ITGA11: variants seen among roughly 807,000 people sequenced by gnomAD.
ITGA11 encodes the protein integrin subunit alpha 11, also known as integrin alpha-11.
In ITGA11, 97 loss-of-function variants were observed where a neutral mutation model predicts 141.9. The observed-to-expected ratio is 0.68, with a 90% CI of 0.58 to 0.81. The LOEUF (loss-of-function observed/expected upper bound fraction) is 0.81. Among genes scored for constraint, ITGA11 ranks in the 30% least tolerant of loss-of-function variants. The probability of loss-of-function intolerance (pLI) is 0.00; values close to 1 mark genes in which losing one functional copy is unlikely to be tolerated. For synonymous variants in ITGA11, 658 were observed against 624.6 expected (o/e 1.05, Z -0.80); for missense variants, 1,387 against 1,559.2 (o/e 0.89, Z 1.86).
chr15:68,346,386 T>G (rs1254113520), intron 10 of ITGA11, among the ~76,000 whole-genome samples: 1 of 152,198 alleles, frequency 6.6e-6, no homozygotes, highest in Non-Finnish European at 1.5e-5. Context: ...GAAGCCCATT[T>G]TAATGTCCTC....
rs1459436134 is a variant in ITGA11, at chr15:68,308,406, C to T, written c.3175-710G>A. 6.6e-6 allele frequency among the ~76,000 whole-genome samples: 1 copy of T among 152,136 alleles called. No individual in the cohort carries two copies. Among genetic ancestry groups the T allele is most frequent in the African/African-American group, 2.4e-5 (1 of 41,410 alleles). On this transcript the variant is annotated intron_variant, in intron 26 of 29. Coordinates refer to ENST00000315757, the MANE Select transcript of ITGA11 (RefSeq NM_001004439.2). This position sits in a 1 kb window ranked among gnomAD's most constrained non-coding sequence, Gnocchi z 5.2. ...TATAAAAAGTTGATGGGGATGATAT[C>T]ACAAAGAAATCAGCAGTTTGCAAAT...
chr15:68,380,702 C>T (rs1252410079), intron 2 of ITGA11, among the ~76,000 whole-genome samples: 3 of 152,156 alleles, frequency 2.0e-5, no homozygotes, highest in Non-Finnish European at 2.9e-5. Context: ...ATGGTGCCGG[C>T]GCTCATGTGC....
Position 68,325,216 on chromosome 15 carries a change from A to C in ITGA11, c.2237T>G (p.Val746Gly), listed in dbSNP as rs1291115470. 1 of 1,613,886 alleles carries C rather than the reference A, an allele frequency of 6.2e-7. No homozygotes were observed. The highest frequency in any genetic ancestry group is 1.3e-5 in the African/African-American group (1 of 75,062). ...VLDTADYVKP[V>G]TFSVEYSLED... ...CAGGGAATACTCGACTGAGAAGGTC[A>C]CTGGCTTCACGTAGTCAGCAGTGTC... Residue 746 changes from valine (V) to glycine (G), a missense_variant, in exon 18 of 30, where the codon GTG (valine) becomes GGG (glycine). By Grantham distance (109) the Val-to-Gly change is moderately radical. Coordinates refer to ENST00000315757, the MANE Select transcript of ITGA11 (RefSeq NM_001004439.2). This position sits in a 1 kb window ranked among gnomAD's most constrained non-coding sequence, Gnocchi z 5.5.
intron 10 of ITGA11, among the ~76,000 whole-genome samples, chr15:68,339,970 G>A (rs1255411360): frequency 6.6e-6 from 1 of 152,082 alleles, no homozygotes; most frequent in East Asian, 1.9e-4. Flanking sequence ...ACCCTTTAGG[G>A]ACCGTCTCGC....
At chr15:68,358,664 G>A (rs1595876446) in intron 5 of ITGA11, 79 bp from the exon 6 acceptor site, 6 of 1,452,374 alleles carry the variant, frequency 4.1e-6, no homozygotes, top group Admixed American at 2.2e-5. Context: ...ATTGTTCAAA[G>A]GACAAATGAA....
chr15:68,404,833 G>A (rs964711869), intron 1 of ITGA11, among the ~76,000 whole-genome samples: 2 of 152,180 alleles, frequency 1.3e-5, no homozygotes, highest in African/African-American at 4.8e-5. Flanking sequence ...AAATGAATTG[G>A]CAGAATAGAC....
intron 2 of ITGA11, among the ~76,000 whole-genome samples, chr15:68,376,382 T>C (rs1003966338): frequency 2.0e-5 from 3 of 152,238 alleles, no homozygotes; most frequent in South Asian, 2.1e-4. Flanking sequence ...ATTCCTCAAG[T>C]ACTTTGTAGT....
chr15:68,317,466 C>T, intron 20 of ITGA11, 103 bp from the exon 21 acceptor site: 3 of 805,620 alleles, frequency 3.7e-6, no homozygotes, highest in Non-Finnish European at 6.6e-6. Context: ...GCAGGGGCCG[C>T]CTCAGCCCCT....
chr15:68,388,692 T>C (rs1023586347), intron 2 of ITGA11, among the ~76,000 whole-genome samples: 1 of 152,164 alleles, frequency 6.6e-6, no homozygotes, highest in Non-Finnish European at 1.5e-5. Flanking sequence ...CCCCACCCCT[T>C]AGCTTGAGCA....
chr15:68,431,201 G>A (rs1404873965), intron 1 of ITGA11, among the ~76,000 whole-genome samples: 1 of 152,358 alleles, frequency 6.6e-6, no homozygotes, highest in East Asian at 1.9e-4. Context: ...CTGGCTTCCC[G>A]CTCCCAGCCG....
chr15:68,420,367 C>A (rs1039744058), intron 1 of ITGA11, among the ~76,000 whole-genome samples: 1 of 152,162 alleles, frequency 6.6e-6, no homozygotes, highest in Non-Finnish European at 1.5e-5. Context: ...TAGCATGGGG[C>A]CAGCTGGGCT....
At chr15:68,316,304 G>T (rs372788125) in intron 21 of ITGA11, among the ~76,000 whole-genome samples, 1 of 152,228 alleles carries the variant, frequency 6.6e-6, no homozygotes, top group African/African-American at 2.4e-5. Context: ...TACTCCCCTT[G>T]CCCTTCGCCC....
intron 2 of ITGA11, among the ~76,000 whole-genome samples, chr15:68,377,591 C>T (rs778414389): frequency 2.9e-4 from 44 of 152,274 alleles, no homozygotes; most frequent in Non-Finnish European, 5.9e-4. Flanking sequence ...ACTTGAAAGC[C>T]TTCTCCTTCC....
chr15:68,396,100 C>T (rs1488366904), intron 2 of ITGA11, among the ~76,000 whole-genome samples: 1 of 151,848 alleles, frequency 6.6e-6, no homozygotes, highest in African/African-American at 2.4e-5. Context: ...AGAAAATTTA[C>T]AGGTCAATAT....
intron 10 of ITGA11, among the ~76,000 whole-genome samples, chr15:68,344,498 C>T (rs1383559545): frequency 1.3e-5 from 2 of 152,248 alleles, no homozygotes; most frequent in East Asian, 3.9e-4. Context: ...CCCAGGAGGG[C>T]CTGTGGGATG....
Position 68,339,494 on chromosome 15 carries a change from T to G in ITGA11, c.1276+6A>C, listed in dbSNP as rs1894491732. 3 of 1,611,368 alleles carry G rather than the reference T, an allele frequency of 1.9e-6. No individual in the cohort carries two copies. In the South Asian group the frequency reaches 3.3e-5, roughly 18 times the overall value. On this transcript the variant is annotated splice_donor_region_variant and intron_variant, in intron 11 of 29. Coordinates refer to ENST00000315757, the MANE Select transcript of ITGA11 (RefSeq NM_001004439.2). ...CCGCCAGCCTCCCCTCACTCTGCGC[T>G]CTTACCCAGGTATGCACCATGGTTC...
intron 2 of ITGA11, among the ~76,000 whole-genome samples, chr15:68,395,282 C>T (rs1056323233): frequency 2.0e-5 from 3 of 152,154 alleles, no homozygotes; most frequent in Non-Finnish European, 4.4e-5. Flanking sequence ...TCCAAAGGAT[C>T]GCAGATCCTC....
intron 1 of ITGA11, 55 bp downstream of exon 1, chr15:68,431,960 G>T: frequency 8.3e-7 from 1 of 1,200,558 alleles, no homozygotes; most frequent in Non-Finnish European, 1.1e-6. Context: ...TCCAAGCCCC[G>T]AGGGCCCAGG....
chr15:68,416,576 G>A lies in ITGA11; in HGVS notation c.53-13547C>T, dbSNP rs146709769. The stretch of plus-strand genomic sequence containing the variant: ...CTGTAATTAACATTATTTTTCCTCC[G>A]AGCCCTGGACAGCCATCTCATGCCT... On this transcript the variant is annotated intron_variant, in intron 1 of 29. Coordinates refer to ENST00000315757, the MANE Select transcript of ITGA11 (RefSeq NM_001004439.2). 2.4e-3 allele frequency among the ~76,000 whole-genome samples: 365 copies of A among 152,196 alleles called. 1 individual carries two copies. Among genetic ancestry groups the A allele is most frequent in the African/African-American group, 8.2e-3 (342 of 41,518 alleles).
Sources: gnomAD v4.1 joint callset for allele counts (sites outside exome capture counted in the v4.1 genomes callset) on GRCh38, gnomAD v4.1.1 for gene constraint, Gnocchi (gnomAD v3.1) non-coding constraint, MANE v1.5 for transcripts, NCBI Gene and HGNC (gene_info 2026-07-23, HGNC 2026-07-21) for gene names.